Variants in BTBD9 observed in about 807,000 individuals in gnomAD.
BTBD9 encodes BTB domain containing 9.
Under a neutral mutation model 64.3 loss-of-function variants are expected in BTBD9, and 49 were observed. That is an observed-to-expected ratio of 0.76 (90% CI 0.61 to 0.97). The LOEUF is 0.97. BTBD9 is among the 50% of genes least tolerant of loss of function. The pLI, the probability that BTBD9 is intolerant of heterozygous loss-of-function variation, is 0.00. For synonymous variants in BTBD9, 260 were observed against 274.7 expected (o/e 0.95, Z 0.53); for missense variants, 598 against 762.1 (o/e 0.78, Z 2.53).
intron 2 of BTBD9, among the ~76,000 whole-genome samples, chr6:38,597,067 T>G (rs1582695057): frequency 1.3e-5 from 2 of 152,288 alleles, no homozygotes; most frequent in Middle Eastern, 6.8e-3. Context: ...GATTGGAAGT[T>G]CATGAAAAAC....
chr6:38,390,487 C>T (rs970207776), intron 6 of BTBD9, among the ~76,000 whole-genome samples: 10 of 152,288 alleles, frequency 6.6e-5, no homozygotes, highest in African/African-American at 2.2e-4. Flanking sequence ...CCAATATAAA[C>T]CCCAGAGAGC....
chr6:38,535,077 A>G (rs1324963880), intron 6 of BTBD9, among the ~76,000 whole-genome samples: 2 of 152,178 alleles, frequency 1.3e-5, no homozygotes, highest in African/African-American at 4.8e-5. Context: ...AAGTCAAATT[A>G]TCCTTGTTTG....
chr6:38,220,753 T>C (rs1178738281), intron 9 of BTBD9, among the ~76,000 whole-genome samples: 2 of 152,244 alleles, frequency 1.3e-5, no homozygotes, highest in Non-Finnish European at 2.9e-5. Context: ...GCCGAAAGAA[T>C]AGCAGTGGTT....
chr6:38,431,321 A>C (rs1432689833), intron 6 of BTBD9, among the ~76,000 whole-genome samples: 1 of 152,180 alleles, frequency 6.6e-6, no homozygotes, highest in Non-Finnish European at 1.5e-5. Flanking sequence ...AATAGCTAAC[A>C]TTTACTGAGA....
chr6:38,180,985 GTTC>G (rs1329851173), intron 10 of BTBD9, among the ~76,000 whole-genome samples: 2 of 152,334 alleles, frequency 1.3e-5, no homozygotes, highest in Admixed American at 1.3e-4. Flanking sequence ...TAGGCTGGGT[GTTC>G]TTTTCCCCGT....
chr6:38,212,380 G>A (rs1400124044), intron 9 of BTBD9, among the ~76,000 whole-genome samples: 3 of 152,298 alleles, frequency 2.0e-5, no homozygotes, highest in South Asian at 2.1e-4. Context: ...GCCAGCCTGC[G>A]CTGGGGGACA....
chr6:38,279,379 G>T (rs749732429), intron 8 of BTBD9, among the ~76,000 whole-genome samples: 3 of 151,960 alleles, frequency 2.0e-5, no homozygotes, highest in African/African-American at 4.8e-5. Flanking sequence ...CTGATTTAAG[G>T]GTACTTGGGG....
intron 6 of BTBD9, among the ~76,000 whole-genome samples, chr6:38,472,054 T>C (rs527391254): frequency 3.2e-4 from 49 of 152,350 alleles, no homozygotes; most frequent in African/African-American, 1.1e-3. Context: ...GTGGGTATTA[T>C]ATGTAGATTT....
chr6:38,273,569 C>A (rs1765266568), intron 8 of BTBD9, among the ~76,000 whole-genome samples: 1 of 152,136 alleles, frequency 6.6e-6, no homozygotes, highest in African/African-American at 2.4e-5. Flanking sequence ...ATATCATGCA[C>A]CACAGTTGAC....
At chr6:38,371,308 G>C (rs904050783) in intron 6 of BTBD9, among the ~76,000 whole-genome samples, 2 of 152,174 alleles carry the variant, frequency 1.3e-5, no homozygotes, top group Non-Finnish European at 2.9e-5. Context: ...CTCTCCAAAA[G>C]ACAGAGAAAT....
At chr6:38,374,290 T>TATATATATATATAC (rs1344883215) in intron 6 of BTBD9, among the ~76,000 whole-genome samples, 7 of 72,318 alleles carry the variant, frequency 9.7e-5, no homozygotes, top group Non-Finnish European at 1.6e-4. Flanking sequence ...AAAGTATATA[T>TATATATATATATAC]ATATATGTAT....
At chr6:38,556,729 A>G (rs904556742) in intron 6 of BTBD9, among the ~76,000 whole-genome samples, 3 of 151,720 alleles carry the variant, frequency 2.0e-5, no homozygotes, top group African/African-American at 7.3e-5. Flanking sequence ...GTTTAAAAAG[A>G]CCTTCGGCCG....
At chr6:38,347,101 A>C (rs1764312883) in intron 6 of BTBD9, among the ~76,000 whole-genome samples, 1 of 152,106 alleles carries the variant, frequency 6.6e-6, no homozygotes, top group Non-Finnish European at 1.5e-5. Flanking sequence ...CACTATATGG[A>C]ATCAGATTTT....
At chr6:38,320,944 A>G (rs185644897) in intron 7 of BTBD9, among the ~76,000 whole-genome samples, 1 of 152,362 alleles carries the variant, frequency 6.6e-6, no homozygotes, top group East Asian at 1.9e-4. Flanking sequence ...CTAGTGTAAT[A>G]TGCAGCTGGC....
intron 9 of BTBD9, among the ~76,000 whole-genome samples, chr6:38,242,617 A>G (rs1244310752): frequency 8.5e-5 from 13 of 152,224 alleles, no homozygotes; most frequent in Admixed American, 8.5e-4. Flanking sequence ...TGGTTCCCAA[A>G]TGTTCTGTAT....
At chr6:38,239,785 C>G (rs1195312512) in intron 9 of BTBD9, among the ~76,000 whole-genome samples, 1 of 152,204 alleles carries the variant, frequency 6.6e-6, no homozygotes, top group African/African-American at 2.4e-5. Flanking sequence ...AAAACACCTA[C>G]ATTTTGGCTG....
At chr6:38,584,362 T>C (rs147291997) in intron 4 of BTBD9, among the ~76,000 whole-genome samples, 55 of 152,268 alleles carry the variant, frequency 3.6e-4, no homozygotes, top group African/African-American at 1.3e-3. Flanking sequence ...AACAAGATAG[T>C]AGATAATCAT....
At chr6:38,312,734 C>A (rs1461014097) in intron 7 of BTBD9, among the ~76,000 whole-genome samples, 1 of 152,104 alleles carries the variant, frequency 6.6e-6, no homozygotes, top group African/African-American at 2.4e-5. Flanking sequence ...GGATTTATTT[C>A]TGGGTTCTCT....
At chr6:38,357,253 C>T (rs368504908) in intron 6 of BTBD9, among the ~76,000 whole-genome samples, 4 of 152,298 alleles carry the variant, frequency 2.6e-5, no homozygotes, top group South Asian at 4.1e-4. Context: ...TTCAGAGGTA[C>T]CTGGTGCCTT....
Sources: gnomAD v4.1 joint callset for allele counts (sites outside exome capture counted in the v4.1 genomes callset) on GRCh38, gnomAD v4.1.1 for gene constraint, MANE v1.5 for transcripts, NCBI Gene and HGNC (gene_info 2026-07-23, HGNC 2026-07-21) for gene names.